The following KIAA0825 variants were observed in gnomAD, a reference collection of about 807,000 sequenced individuals.
KIAA0825 encodes the protein KIAA0825.
Under a neutral mutation model 147.6 loss-of-function variants are expected in KIAA0825, and 119 were observed. The ratio of observed to expected loss-of-function variants is 0.81; its 90% CI spans 0.69 to 0.94. The LOEUF is 0.94. Among genes scored for constraint, KIAA0825 ranks in the 40% least tolerant of loss-of-function variants. The pLI, the probability that KIAA0825 is intolerant of heterozygous loss-of-function variation, is 0.00. For synonymous variants in KIAA0825, 470 were observed against 518.1 expected, an observed-to-expected ratio of 0.91 and a Z score of 1.26; for missense variants, 1,381 against 1,472.7, an observed-to-expected ratio of 0.94 and a Z score of 1.02.
At chr5:94,419,717 A>G (rs1486268374) in intron 14 of KIAA0825, among the ~76,000 whole-genome samples, 1 of 152,154 alleles carries the variant, frequency 6.6e-6, no homozygotes. Context: ...TTGTGCAAAT[A>G]TGTGTATATT....
chr5:94,467,241 G>C (rs1760664375), intron 10 of KIAA0825, among the ~76,000 whole-genome samples: 1 of 151,960 alleles, frequency 6.6e-6, no homozygotes, highest in African/African-American at 2.4e-5. Context: ...TGTATGCAAG[G>C]GTTTTCATTA....
chr5:94,279,184 T>C (rs1397210501), intron 20 of KIAA0825, among the ~76,000 whole-genome samples: 1 of 152,104 alleles, frequency 6.6e-6, no homozygotes, highest in African/African-American at 2.4e-5. Flanking sequence ...GTCCTATTTA[T>C]ACATTATGTG....
chr5:94,485,958 C>T (rs1763007617), intron 5 of KIAA0825, among the ~76,000 whole-genome samples: 1 of 151,690 alleles, frequency 6.6e-6, no homozygotes, highest in African/African-American at 2.4e-5. Flanking sequence ...TTTTTGCCCT[C>T]TTATGATTAC....
At chr5:94,309,005 T>C (rs1447875679) in intron 20 of KIAA0825, among the ~76,000 whole-genome samples, 3 of 151,840 alleles carry the variant, frequency 2.0e-5, no homozygotes, top group Non-Finnish European at 4.4e-5. Flanking sequence ...TTTAGTCATA[T>C]TCAATTCTCT....
intron 1 of KIAA0825, among the ~76,000 whole-genome samples, chr5:94,584,409 C>T (rs1055022220): frequency 6.6e-6 from 1 of 152,022 alleles, no homozygotes; most frequent in African/African-American, 2.4e-5. Flanking sequence ...GCTTCAATAG[C>T]CGATTTGATT....
chr5:94,560,564 C>T (rs1448228019), intron 2 of KIAA0825, among the ~76,000 whole-genome samples: 1 of 152,152 alleles, frequency 6.6e-6, no homozygotes, highest in Admixed American at 6.5e-5. Flanking sequence ...CTACAGAGGC[C>T]ATATGTGTCC....
intron 1 of KIAA0825, among the ~76,000 whole-genome samples, chr5:94,616,371 G>A (rs1331649133): frequency 6.6e-6 from 1 of 152,092 alleles, no homozygotes; most frequent in Non-Finnish European, 1.5e-5. Context: ...GTATTGGGAT[G>A]GGCAGGTTTA....
intron 14 of KIAA0825, among the ~76,000 whole-genome samples, chr5:94,435,076 C>A (rs1369742210): frequency 1.3e-5 from 2 of 151,390 alleles, no homozygotes; most frequent in African/African-American, 4.9e-5. Flanking sequence ...CAATTTAACA[C>A]AAAATTAAGT....
rs563963021 is a variant in KIAA0825, at chr5:94,421,735, AAAGTCCTCCAT to A, written c.2498-4381_2498-4371del. 7.2e-4 allele frequency among the ~76,000 whole-genome samples: 110 copies of A among 152,270 alleles called. 2 individuals are homozygous for A. In the South Asian group the frequency reaches 0.022, roughly 30 times the overall value. ...ATCTAAACTCCTCTAGCTGCCTTTT[AAAGTCCTCCAT>A]AATGCCTTATGTATCCAGACTTATA... On this transcript the variant is annotated intron_variant, in intron 14 of 20. Coordinates refer to ENST00000682413, the MANE Select transcript of KIAA0825 (RefSeq NM_001145678.3).
At chr5:94,369,068 G>A (rs897525481) in intron 20 of KIAA0825, among the ~76,000 whole-genome samples, 3 of 152,088 alleles carry the variant, frequency 2.0e-5, no homozygotes, top group African/African-American at 7.2e-5. Context: ...TGAGGAGGGA[G>A]GATCACTTGG....
chr5:94,557,795 C>T (rs1322348165), intron 2 of KIAA0825, among the ~76,000 whole-genome samples: 1 of 152,204 alleles, frequency 6.6e-6, no homozygotes, highest in African/African-American at 2.4e-5. Context: ...TGGGTCCCCT[C>T]CCTTTGTATA....
intron 12 of KIAA0825, among the ~76,000 whole-genome samples, chr5:94,458,878 G>A (rs571780865): frequency 5.1e-4 from 77 of 152,030 alleles, no homozygotes; most frequent in African/African-American, 1.8e-3. Context: ...CAATTAGATG[G>A]TTTATACTAT....
intron 2 of KIAA0825, among the ~76,000 whole-genome samples, chr5:94,554,600 T>C (rs1265704983): frequency 6.6e-6 from 1 of 150,950 alleles, no homozygotes; most frequent in Non-Finnish European, 1.5e-5. Flanking sequence ...ATATATGTAA[T>C]TCAGTGATCT....
At chr5:94,475,845 A>C (rs556728956) in intron 7 of KIAA0825, among the ~76,000 whole-genome samples, 109 of 152,106 alleles carry the variant, frequency 7.2e-4, no homozygotes, top group Admixed American at 1.5e-3. Flanking sequence ...GAAAACTGAA[A>C]ACCTTTACTT....
rs141556381 is a variant in KIAA0825, at chr5:94,318,886, C to T, written c.3710+65482G>A. ...ATAGGAAAAGAGGAGAGCCTGAAGA[C>T]GGATTTTTTTCTTCATAATACTACC... On this transcript the variant is annotated intron_variant, in intron 20 of 20. Coordinates refer to ENST00000682413, the MANE Select transcript of KIAA0825 (RefSeq NM_001145678.3). 1.7e-3 allele frequency among the ~76,000 whole-genome samples: 263 copies of T among 151,926 alleles called. 2 individuals are homozygous for T. Among genetic ancestry groups the T allele is most frequent in the African/African-American group, 5.9e-3 (244 of 41,494 alleles).
intron 20 of KIAA0825, 102 bp downstream of exon 20, chr5:94,384,266 C>T: frequency 1.3e-6 from 1 of 794,454 alleles, no homozygotes; most frequent in Non-Finnish European, 2.0e-6. Flanking sequence ...TTCACTTTTC[C>T]CAAAAGTATG....
Position 94,503,918 on chromosome 5 carries a change from G to A in KIAA0825, c.970+16330C>T, listed in dbSNP as rs193123349. Among the ~76,000 whole-genome samples, 461 of 152,232 alleles carry A rather than the reference G, an allele frequency of 3.0e-3. 4 individuals carry two copies. The highest frequency in any genetic ancestry group is 0.011 in the African/African-American group (447 of 41,534). ...AGCTAGACTTCATCTTTAGTTCAAAGTAGCAAGGCACTGAAAGAGCATGCT... is the reference window on the plus strand; with the variant it reads ...AGCTAGACTTCATCTTTAGTTCAAAATAGCAAGGCACTGAAAGAGCATGCT... On this transcript the variant is annotated intron_variant, in intron 5 of 20. Coordinates refer to ENST00000682413, the MANE Select transcript of KIAA0825 (RefSeq NM_001145678.3).
chr5:94,223,574 A>G (rs901002213), intron 20 of KIAA0825, among the ~76,000 whole-genome samples: 9 of 152,212 alleles, frequency 5.9e-5, no homozygotes, highest in African/African-American at 2.2e-4. Flanking sequence ...ACGTTTTCCA[A>G]GTGACATGAA....
At chr5:94,452,930 T>C (rs1758604388) in intron 13 of KIAA0825, 29 bp downstream of exon 13, 1 of 1,124,412 alleles carries the variant, frequency 8.9e-7, no homozygotes, top group Middle Eastern at 2.1e-4. Flanking sequence ...CATAGAATTA[T>C]AGATAGTATG....
Sources: gnomAD v4.1 joint callset for allele counts (sites outside exome capture counted in the v4.1 genomes callset) on GRCh38, gnomAD v4.1.1 for gene constraint, MANE v1.5 for transcripts, NCBI Gene and HGNC (gene_info 2026-07-23, HGNC 2026-07-21) for gene names.